Variants in KCNJ1 observed in about 807,000 individuals in gnomAD.
The protein encoded by KCNJ1 is ATP-sensitive inward rectifier potassium channel 1.
A neutral mutation model predicts 21.9 loss-of-function variants in KCNJ1; 24 were observed. The observed-to-expected ratio is 1.10, with a 90% CI of 0.79 to 1.54. KCNJ1 has a LOEUF of 1.54. Among genes scored for constraint, KCNJ1 ranks in the 40% most tolerant of loss-of-function variants. The pLI is 0.00. For synonymous variants in KCNJ1, 152 were observed against 160.9 expected (o/e 0.94, Z 0.42); for missense variants, 457 against 455.4 (o/e 1.00, Z -0.03).
rs771642053 is a variant in KCNJ1 at position 128,839,324 on chromosome 11, G to T, written c.920C>A (p.Ala307Asp). The change falls in exon 3 of 3, where the codon GCT (alanine) becomes GAT (aspartate). Residue 307 changes from alanine to aspartate, a missense_variant. Physicochemically the swap from Ala to Asp is moderately radical, Grantham distance 126 (BLOSUM62 -2). Coordinates refer to ENST00000392666, the MANE Select transcript of KCNJ1 (RefSeq NM_153766.3). ...TTCCTTTGTCTTGGATACTATGGGA[G>T]CAAAACGGTAGCCCCAAAGCACCTC... The part of the protein sequence containing the change: ...PEEVLWGYRF[A>D]PIVSKTKEGK... The T allele has an allele frequency of 4.3e-6, 7 of 1,614,146 alleles. No homozygotes were observed. The highest frequency in any genetic ancestry group is 5.9e-6 in the Non-Finnish European group (7 of 1,180,022).
intron 1 of KCNJ1, among the ~76,000 whole-genome samples, chr11:128,852,451 AGGGTCAAT>A: frequency 6.6e-6 from 1 of 152,294 alleles, no homozygotes; most frequent in Middle Eastern, 3.4e-3. Context: ...TGACCCTCAA[AGGGTCAAT>A]GATTACCAGT....
chr11:128,857,126 C>G (rs776764993), intron 1 of KCNJ1, among the ~76,000 whole-genome samples: 6 of 152,176 alleles, frequency 3.9e-5, no homozygotes, highest in Non-Finnish European at 8.8e-5. Context: ...AGCTCCTGCC[C>G]TGGGCTTCGG....
intron 1 of KCNJ1, among the ~76,000 whole-genome samples, chr11:128,851,287 A>G (rs1444122088): frequency 6.6e-6 from 1 of 152,240 alleles, no homozygotes; most frequent in African/African-American, 2.4e-5. Context: ...CTCTCAAAAG[A>G]TGTATGTAGA....
chr11:128,844,684 A>G (rs1943348002), intron 2 of KCNJ1, among the ~76,000 whole-genome samples: 1 of 152,198 alleles, frequency 6.6e-6, no homozygotes, highest in African/African-American at 2.4e-5. Context: ...CATCCACTTG[A>G]GAACAATTCA....
intron 1 of KCNJ1, among the ~76,000 whole-genome samples, chr11:128,863,587 C>A (rs766672131): frequency 3.3e-5 from 5 of 152,158 alleles, no homozygotes; most frequent in Non-Finnish European, 5.9e-5. Flanking sequence ...TTCCTAGGGC[C>A]TTTGAGTTGC....
intron 1 of KCNJ1, among the ~76,000 whole-genome samples, chr11:128,865,545 G>A (rs527621562): frequency 6.6e-6 from 1 of 152,138 alleles, no homozygotes; most frequent in Non-Finnish European, 1.5e-5. Context: ...GTCATCACTG[G>A]CATCTTAAAT....
chr11:128,859,442 T>A (rs1171563626), intron 1 of KCNJ1, among the ~76,000 whole-genome samples: 6 of 152,050 alleles, frequency 3.9e-5, no homozygotes, highest in African/African-American at 1.4e-4. Context: ...AGAGATGAGG[T>A]CTCACTAGGT....
chr11:128,852,294 G>A (rs570186072), intron 1 of KCNJ1, among the ~76,000 whole-genome samples: 9 of 152,272 alleles, frequency 5.9e-5, no homozygotes, highest in South Asian at 2.1e-4. Flanking sequence ...TATCTGTGAG[G>A]CCTTTAATCC....
At chr11:128,859,965 G>A (rs1421495772) in intron 1 of KCNJ1, among the ~76,000 whole-genome samples, 1 of 152,248 alleles carries the variant, frequency 6.6e-6, no homozygotes, top group Admixed American at 6.5e-5. Context: ...AGGCGGGAGA[G>A]GAGGCGCGGC....
At chr11:128,844,845 G>GA (rs550720369) in intron 2 of KCNJ1, among the ~76,000 whole-genome samples, 5,603 of 142,028 alleles carry the variant, frequency 0.039, 301 homozygotes, top group African/African-American at 0.12. Context: ...TATAGAAATG[G>GA]AAAAAAAAAA....
intron 1 of KCNJ1, among the ~76,000 whole-genome samples, chr11:128,854,295 G>T (rs1342867769): frequency 6.6e-6 from 1 of 152,148 alleles, no homozygotes; most frequent in African/African-American, 2.4e-5. Flanking sequence ...TCTTTTGTTT[G>T]AATGTTTTTG....
At chr11:128,862,264 C>G (rs1032785730) in intron 1 of KCNJ1, among the ~76,000 whole-genome samples, 2 of 152,194 alleles carry the variant, frequency 1.3e-5, no homozygotes, top group Non-Finnish European at 2.9e-5. Context: ...TCTCTGGCAG[C>G]CTCCGTCCCC....
intron 1 of KCNJ1, among the ~76,000 whole-genome samples, chr11:128,864,897 G>A (rs1943789864): frequency 6.6e-6 from 1 of 152,156 alleles, no homozygotes; most frequent in South Asian, 2.1e-4. Flanking sequence ...ACCTTGCACT[G>A]TGCAGGCAGA....
intron 2 of KCNJ1, chr11:128,842,317 G>T: frequency 6.5e-7 from 1 of 1,542,668 alleles, no homozygotes; most frequent in Non-Finnish European, 9.0e-7. Flanking sequence ...TTCCATGACT[G>T]CATTAATGAT....
At chr11:128,851,627 T>C (rs780317810) in intron 1 of KCNJ1, among the ~76,000 whole-genome samples, 13 of 152,172 alleles carry the variant, frequency 8.5e-5, no homozygotes, top group Non-Finnish European at 1.9e-4. Flanking sequence ...TCTAGTTCTG[T>C]GTGGTTTGGG....
Position 128,838,831 on chromosome 11 carries a change from A to G in KCNJ1, c.*294T>C. 1 of 373,740 alleles carries G rather than the reference A, an allele frequency of 2.7e-6. No individual in the cohort carries two copies. Among genetic ancestry groups the G allele is most frequent in the Non-Finnish European group, 4.8e-6 (1 of 206,400 alleles). 23.2% of individuals were successfully genotyped at this position (373,740 alleles called of 1,614,324 possible). ...TGTTCATGAAACTTTTGATAATTTTATCTGCTCCAATCCACCTTATATGAG... is the reference window on the plus strand; with the variant it reads ...TGTTCATGAAACTTTTGATAATTTTGTCTGCTCCAATCCACCTTATATGAG... On this transcript the variant is annotated 3_prime_UTR_variant, in exon 3 of 3. Transcript: ENST00000392666.
At chr11:128,854,415 G>A (rs1943544033) in intron 1 of KCNJ1, among the ~76,000 whole-genome samples, 1 of 152,184 alleles carries the variant, frequency 6.6e-6, no homozygotes, top group Non-Finnish European at 1.5e-5. Context: ...TGACCTCGCA[G>A]ACAAGCCAGA....
rs104894254 is a variant in KCNJ1 at position 128,839,801 on chromosome 11, C to T, written c.443G>A (p.Gly148Glu). ...ACACATGAAAGAATTGATTATAACT[C>T]CAAGTATAGACTGAAAGATAAGCAG... Reference protein sequence around the residue: ...IFLLIFQSILGVIINSFMCGA... With the variant: ...IFLLIFQSILEVIINSFMCGA... Residue 148 changes from glycine to glutamate, a missense_variant, in exon 3 of 3, where the codon GGA (glycine) becomes GAA (glutamate). Transcript: ENST00000392666. The T allele has an allele frequency of 1.9e-6, 3 of 1,614,092 alleles. No homozygotes were observed. Among genetic ancestry groups the T allele is most frequent in the South Asian group, 2.2e-5 (2 of 91,078 alleles).
At chr11:128,853,170 T>C (rs1943507914) in intron 1 of KCNJ1, among the ~76,000 whole-genome samples, 1 of 152,264 alleles carries the variant, frequency 6.6e-6, no homozygotes, top group Non-Finnish European at 1.5e-5. Context: ...TTTGTTGTTA[T>C]GAGGATTCAG....
Sources: gnomAD v4.1 joint callset for allele counts (sites outside exome capture counted in the v4.1 genomes callset) on GRCh38, gnomAD v4.1.1 for gene constraint, MANE v1.5 for transcripts, NCBI Gene and HGNC (gene_info 2026-07-23, HGNC 2026-07-21) for gene names.